Variants in CPO observed in about 807,000 individuals in gnomAD.
The protein encoded by CPO is carboxypeptidase O.
Under a neutral mutation model 41.2 loss-of-function variants are expected in CPO, and 43 were observed. The observed-to-expected ratio is 1.04, with a 90% confidence interval of 0.82 to 1.35. The LOEUF is 1.35. Among genes scored for constraint, CPO ranks in the 40% most tolerant of loss-of-function variants. The pLI is 0.00. For missense variants in CPO, 408 were observed against 451.7 expected, an observed-to-expected ratio of 0.90 and a Z score of 0.88; for synonymous variants, 178 against 162.7, an observed-to-expected ratio of 1.09 and a Z score of -0.72.
rs201057516 is a variant in CPO, at chr2:206,957,375, C to CA, written c.268-911dup. ...TGGGTGACAGAGCGAGACTCTGTCTCAAAAAAAAAAAAAAAGAGAACATTA... is the reference window on the plus strand; with the variant it reads ...TGGGTGACAGAGCGAGACTCTGTCTCAAAAAAAAAAAAAAAAGAGAACATTA... On this transcript the variant is annotated intron_variant, in intron 3 of 8. Coordinates refer to ENST00000272852, the MANE Select transcript of CPO (RefSeq NM_173077.3). 9.0e-3 allele frequency among the ~76,000 whole-genome samples: 909 copies of CA among 101,368 alleles called. 5 individuals carry two copies. The highest frequency in any genetic ancestry group is 0.022 in the Admixed American group (205 of 9,360). The allele number at this position is 101,368 out of a possible 152,430, so 66.5% of individuals were successfully genotyped here.
chr2:206,958,386 G>A lies in CPO; in HGVS notation c.353G>A (p.Cys118Tyr), dbSNP rs776118135. ...HAREWIAPAFCQWFVKEILQN... is the reference protein window; with the variant it reads ...HAREWIAPAFYQWFVKEILQN... ...AGAGAATGGATTGCTCCTGCTTTTT[G>A]CCAATGGTTCGTCAAAGAAGTAAGT... The change falls in exon 4 of 9, where the codon TGC becomes TAC. Residue 118 changes from cysteine to tyrosine, a missense_variant. Transcript: ENST00000272852. 1.3e-6 allele frequency: 2 copies of A among 1,596,334 alleles called. No individual in the cohort carries two copies. The highest frequency in any genetic ancestry group is 2.3e-5 in the South Asian group (2 of 88,590).
chr2:206,950,012 T>G (rs1693221111), intron 2 of CPO, among the ~76,000 whole-genome samples: 1 of 152,222 alleles, frequency 6.6e-6, no homozygotes, highest in Non-Finnish European at 1.5e-5. Flanking sequence ...CTCTTATTTT[T>G]GTTTGTCAAG....
At chr2:206,952,702 T>C (rs1693287877) in intron 2 of CPO, among the ~76,000 whole-genome samples, 1 of 152,202 alleles carries the variant, frequency 6.6e-6, no homozygotes, top group Non-Finnish European at 1.5e-5. Context: ...TCTGTTGGCA[T>C]GTGAGAACAT....
intron 1 of CPO, among the ~76,000 whole-genome samples, chr2:206,944,744 T>C (rs544073462): frequency 3.2e-4 from 49 of 152,142 alleles, no homozygotes; most frequent in Non-Finnish European, 6.2e-4. Flanking sequence ...TTAATAATAA[T>C]AAATCTAACT....
At chr2:206,952,957 C>T (rs1162196910) in intron 2 of CPO, among the ~76,000 whole-genome samples, 2 of 152,104 alleles carry the variant, frequency 1.3e-5, no homozygotes, top group African/African-American at 2.4e-5. Flanking sequence ...TTTATAAAAC[C>T]ATCAGGTCTC....
chr2:206,963,756 C>T (rs1693521747), intron 7 of CPO, among the ~76,000 whole-genome samples: 2 of 152,212 alleles, frequency 1.3e-5, no homozygotes, highest in South Asian at 2.1e-4. Context: ...TCAACGGACA[C>T]ACTTGGGTTG....
intron 8 of CPO, 92 bp from the exon 9 acceptor site, chr2:206,969,082 T>C (rs1257264218): frequency 7.7e-7 from 1 of 1,291,150 alleles, no homozygotes; most frequent in East Asian, 2.3e-5. Context: ...TTCTTTATTT[T>C]ACTAAGTGAA....
intron 1 of CPO, among the ~76,000 whole-genome samples, chr2:206,945,078 A>T (rs925250922): frequency 2.0e-5 from 3 of 152,138 alleles, no homozygotes; most frequent in African/African-American, 7.2e-5. Context: ...GCTTATTGTT[A>T]AACACAGATT....
At chr2:206,968,046 GA>G (rs1693618344) in intron 7 of CPO, among the ~76,000 whole-genome samples, 1 of 152,202 alleles carries the variant, frequency 6.6e-6, no homozygotes. Context: ...CCAGAAATAT[GA>G]AAGTCAGAGC....
chr2:206,941,762 G>T (rs938559000), intron 1 of CPO, among the ~76,000 whole-genome samples: 1 of 152,046 alleles, frequency 6.6e-6, no homozygotes, highest in Non-Finnish European at 1.5e-5. Context: ...CACTACATGT[G>T]ATAATAGTCT....
chr2:206,966,997 G>C (rs1574357733), intron 7 of CPO, among the ~76,000 whole-genome samples: 1 of 152,240 alleles, frequency 6.6e-6, no homozygotes, highest in East Asian at 1.9e-4. Context: ...TCTAAAATGA[G>C]ACCTGTCCCT....
chr2:206,953,386 G>A (rs1693301270), intron 2 of CPO, among the ~76,000 whole-genome samples: 1 of 152,322 alleles, frequency 6.6e-6, no homozygotes, highest in East Asian at 1.9e-4. Context: ...CTAAAACAAA[G>A]GGGCCACAGG....
At chr2:206,950,429 C>T (rs1453445040) in intron 2 of CPO, among the ~76,000 whole-genome samples, 1 of 152,094 alleles carries the variant, frequency 6.6e-6, no homozygotes, top group Non-Finnish European at 1.5e-5. Context: ...CAGAAAACAA[C>T]AGATGTTGGA....
At chr2:206,941,610 T>C (rs1185786432) in intron 1 of CPO, among the ~76,000 whole-genome samples, 2 of 152,268 alleles carry the variant, frequency 1.3e-5, no homozygotes, top group South Asian at 4.1e-4. Context: ...GGATGGTTCC[T>C]CATGACTGCA....
Position 206,939,538 on chromosome 2 carries a change from C to A in CPO, c.-62C>A, listed in dbSNP as rs974859160. Reference sequence around the variant, plus strand: ...GAGCCACAGTCTTGATGCATTCATTCTCAAGGACACTTGATCCACTGCCAG... The same window carrying A: ...GAGCCACAGTCTTGATGCATTCATTATCAAGGACACTTGATCCACTGCCAG... On this transcript the variant is annotated 5_prime_UTR_variant, in exon 1 of 9. Transcript: ENST00000272852. The A allele has an allele frequency of 1.5e-6, 2 of 1,353,898 alleles. No homozygotes were observed. The highest frequency in any genetic ancestry group is 1.7e-5 in the Admixed American group (1 of 58,752). The allele number at this position is 1,353,898 out of a possible 1,614,324, so 83.9% of individuals were successfully genotyped here.
chr2:206,945,941 T>C (rs1341712445), intron 1 of CPO, among the ~76,000 whole-genome samples: 1 of 150,294 alleles, frequency 6.7e-6, no homozygotes, highest in African/African-American at 2.4e-5. Flanking sequence ...CGACTCAAAA[T>C]AAATAAATAA....
chr2:206,968,189 C>A, intron 7 of CPO, 74 bp from the exon 8 acceptor site: 1 of 1,061,320 alleles, frequency 9.4e-7, no homozygotes, highest in Non-Finnish European at 1.5e-6. Context: ...TGAATCTGGA[C>A]AAAACACCAA....
chr2:206,960,177 C>T (rs961999903), intron 5 of CPO, among the ~76,000 whole-genome samples: 1 of 152,324 alleles, frequency 6.6e-6, no homozygotes, highest in East Asian at 1.9e-4. Context: ...GCAAACATCA[C>T]ATAAAGTCTT....
At chr2:206,950,098 A>G (rs1693222751) in intron 2 of CPO, among the ~76,000 whole-genome samples, 1 of 152,164 alleles carries the variant, frequency 6.6e-6, no homozygotes, top group Non-Finnish European at 1.5e-5. Context: ...ATTGAATCAT[A>G]TTTAGCTGAA....
Sources: allele counts gnomAD v4.1 joint callset (sites outside exome capture counted in the v4.1 genomes callset), GRCh38; gene constraint gnomAD v4.1.1; transcripts MANE v1.5; gene names NCBI Gene and HGNC (gene_info 2026-07-23, HGNC 2026-07-21).